The following ZNF177 variants were observed in gnomAD, a reference collection of about 807,000 sequenced individuals.
ZNF177 encodes the protein zinc finger protein 177.
In ZNF177, 17 loss-of-function variants were observed where a neutral mutation model predicts 19.4. The observed-to-expected ratio is 0.87, with a 90% CI of 0.60 to 1.31. The LOEUF is 1.31. Ranked by LOEUF, ZNF177 falls within the 40% of genes most tolerant of loss-of-function variation. ZNF177 has a pLI of 0.00. For missense variants in ZNF177, 633 were observed against 561.8 expected, an observed-to-expected ratio of 1.13 and a Z score of -1.28; for synonymous variants, 220 against 188.7, an observed-to-expected ratio of 1.17 and a Z score of -1.36.
At chr19:9,367,605 T>G (rs1323495609) in intron 2 of ZNF177, among the ~76,000 whole-genome samples, 2 of 152,232 alleles carry the variant, frequency 1.3e-5, no homozygotes, top group Non-Finnish European at 2.9e-5. Flanking sequence ...TCTGAATCTA[T>G]GTTGAAATTT....
At chr19:9,380,962 A>G (rs1295133024) in exon 6 of ZNF177, 1 of 1,540,112 alleles carries the variant, frequency 6.5e-7, no homozygotes, top group Non-Finnish European at 8.7e-7. Context: ...GCAATGTGAT[A>G]TGTCCTTCAG....
At chr19:9,381,988 C>A in exon 6 of ZNF177, 1 of 678,966 alleles carries the variant, frequency 1.5e-6, no homozygotes, top group Non-Finnish European at 2.3e-6. Context: ...ACTGTAGATC[C>A]TATGAATATT....
intron 1 of ZNF177, 116 bp from the exon 4 acceptor site, chr19:9,378,143 T>A: frequency 1.1e-6 from 1 of 903,810 alleles, no homozygotes; most frequent in East Asian, 3.1e-5. Context: ...AGGAGGCAAA[T>A]TGTAACTACA....
chr19:9,379,613 T>C, exon 4 of ZNF177: 1 of 1,613,682 alleles, frequency 6.2e-7, no homozygotes, highest in Non-Finnish European at 8.5e-7. Context: ...ACAAGGTGAC[T>C]GTGCAGGTGA....
At chr19:9,370,886 C>T (rs1026227612) in intron 2 of ZNF177, among the ~76,000 whole-genome samples, 3 of 152,182 alleles carry the variant, frequency 2.0e-5, no homozygotes, top group Admixed American at 1.3e-4. Context: ...ATGTCCTTAA[C>T]ACCCAGCTTT....
chr19:9,380,789 A>G, exon 6 of ZNF177: 2 of 1,536,128 alleles, frequency 1.3e-6, no homozygotes, highest in South Asian at 2.4e-5. Flanking sequence ...TATATAAAGT[A>G]TAGCAAAGTC....
At chr19:9,380,221 C>G in intron 5 of ZNF177, 82 bp downstream of exon 7, 1 of 1,452,348 alleles carries the variant, frequency 6.9e-7, no homozygotes, top group Non-Finnish European at 9.2e-7. Context: ...GCACCCAAAG[C>G]AGGGGTAAGA....
At chr19:9,377,569 G>A (rs371365676) in intron 1 of ZNF177, among the ~76,000 whole-genome samples, 1 of 152,100 alleles carries the variant, frequency 6.6e-6, no homozygotes, top group African/African-American at 2.4e-5. Flanking sequence ...ATGCGTATGT[G>A]TCTTCGTTTA....
chr19:9,376,934 A>G (rs756233672), intron 1 of ZNF177, among the ~76,000 whole-genome samples: 9 of 152,068 alleles, frequency 5.9e-5, no homozygotes, highest in African/African-American at 1.4e-4. Flanking sequence ...AGAATTTACT[A>G]TTTCCTATAA....
chr19:9,376,773 C>T (rs1427961662), intron 1 of ZNF177, among the ~76,000 whole-genome samples: 1 of 151,968 alleles, frequency 6.6e-6, no homozygotes, highest in African/African-American at 2.4e-5. Context: ...ATATTTTTAT[C>T]TTTTAATCTT....
In ZNF177 at chr19:9,380,043, C is replaced by T. The variant is rs754598111; in HGVS notation, c.254-14C>T. ...TTTCTCCCAATAATTATAAAAATTC[C>T]TGTGCTATTTCAGACTGGGAAACTC... On this transcript the variant is annotated splice_polypyrimidine_tract_variant and intron_variant, in intron 4 of 5. Coordinates refer to ENST00000589262, the Ensembl canonical transcript of ZNF177. 2.5e-6 allele frequency: 4 copies of T among 1,604,190 alleles called. No individual in the cohort carries two copies. In the East Asian group the frequency reaches 6.7e-5, roughly 27 times the overall value.
At chr19:9,379,503 C>T (rs775348218) in intron 3 of ZNF177, 24 bp from the exon 6 acceptor site, 1 of 1,607,348 alleles carries the variant, frequency 6.2e-7, no homozygotes, top group African/African-American at 1.3e-5. Flanking sequence ...ATTTCTCCCA[C>T]ATCCTTGCTT....
chr19:9,382,396 A>G, downstream of ZNF177: 1 of 398,782 alleles, frequency 2.5e-6, no homozygotes, highest in Non-Finnish European at 4.4e-6. Flanking sequence ...AAATATATAC[A>G]CCAAGAGGAG....
intron 2 of ZNF177, among the ~76,000 whole-genome samples, chr19:9,365,266 A>C (rs2067961751): frequency 6.6e-6 from 1 of 151,936 alleles, no homozygotes; most frequent in African/African-American, 2.4e-5. Context: ...AGGCTAAGGG[A>C]GAAGGGGGAA....
chr19:9,364,304 A>G (rs562984815), intron 1 of ZNF177, among the ~76,000 whole-genome samples: 2 of 152,304 alleles, frequency 1.3e-5, no homozygotes, highest in African/African-American at 2.4e-5. Context: ...TTGGAGGACA[A>G]CTGCAGCTAG....
In ZNF177 at chr19:9,370,113, C is replaced by T. The variant is rs2068028584; in HGVS notation, c.-304-1497C>T. Among the ~76,000 whole-genome samples the T allele has an allele frequency of 2.6e-5, 4 of 151,876 alleles. No homozygotes were observed. The South Asian group carries it at 8.3e-4, about 31-fold the overall frequency. Reference sequence around the variant, plus strand: ...GTCTCAGGTCTTTATTTTAAAATGCCTTTATTTGACTCTCCATTTATTTTT... The same window carrying T: ...GTCTCAGGTCTTTATTTTAAAATGCTTTTATTTGACTCTCCATTTATTTTT... On this transcript the variant is annotated intron_variant, in intron 2 of 8. Transcript: ENST00000343499.
At chr19:9,365,042 C>T (rs929218551) in intron 2 of ZNF177, 94 bp downstream of exon 2, 1 of 151,976 alleles carries the variant, frequency 6.6e-6, no homozygotes, top group Non-Finnish European at 1.5e-5. Flanking sequence ...TGGAAGGCTC[C>T]AATTGTTTCA....
At chr19:9,381,935 G>C (rs2122571767) in exon 6 of ZNF177, 1 of 1,130,404 alleles carries the variant, frequency 8.8e-7, no homozygotes, top group Non-Finnish European at 1.2e-6. Flanking sequence ...TTATAGCTAT[G>C]ATTGTTTTTA....
At chr19:9,379,357 T>G (rs2068156210) in intron 3 of ZNF177, among the ~76,000 whole-genome samples, 170 bp from the exon 6 acceptor site, 1 of 152,272 alleles carries the variant, frequency 6.6e-6, no homozygotes, top group Non-Finnish European at 1.5e-5. Context: ...TGGACCATGC[T>G]TTTTGGTTCT....
Sources: gnomAD v4.1 joint callset for allele counts (sites outside exome capture counted in the v4.1 genomes callset) on GRCh38, gnomAD v4.1.1 for gene constraint, MANE v1.5 for transcripts, NCBI Gene and HGNC (gene_info 2026-07-23, HGNC 2026-07-21) for gene names.